The following ZNF516 variants were observed in gnomAD, a reference collection of about 807,000 sequenced individuals.
ZNF516 encodes the protein zinc finger protein 516.
A neutral mutation model predicts 79.7 loss-of-function variants in ZNF516; 19 were observed. The observed-to-expected ratio is 0.24, with a 90% confidence interval of 0.17 to 0.35. The LOEUF is 0.35. Ranked by LOEUF, ZNF516 falls within the 10% of genes least tolerant of loss-of-function variation. The pLI is 1.00. For synonymous variants in ZNF516, 877 were observed against 739.5 expected (o/e 1.19, Z -3.02); for missense variants, 1,678 against 1,679.5 (o/e 1.00, Z 0.02).
chr18:76,469,688 T>C (rs1321596250), intron 1 of ZNF516, among the ~76,000 whole-genome samples: 1 of 152,246 alleles, frequency 6.6e-6, no homozygotes, highest in Non-Finnish European at 1.5e-5. Context: ...ATTTTTATCT[T>C]CTTCCGTTAG....
At chr18:76,420,222 A>G (rs2075489026) in intron 3 of ZNF516, among the ~76,000 whole-genome samples, 1 of 152,248 alleles carries the variant, frequency 6.6e-6, no homozygotes, top group Non-Finnish European at 1.5e-5. Flanking sequence ...AGATCTAAGT[A>G]AGCAGCTGGA....
chr18:76,390,700 T>C (rs983444333), intron 3 of ZNF516, among the ~76,000 whole-genome samples: 3 of 152,192 alleles, frequency 2.0e-5, no homozygotes, highest in Middle Eastern at 3.4e-3. Context: ...CATTATCCTT[T>C]GGAGAGGAGA....
intron 3 of ZNF516, among the ~76,000 whole-genome samples, chr18:76,384,202 G>T (rs2074940572): frequency 6.6e-6 from 1 of 152,056 alleles, no homozygotes; most frequent in Non-Finnish European, 1.5e-5. Context: ...CTGGCAATGA[G>T]AACTCCTCAG....
chr18:76,452,186 G>A (rs1333468791), intron 2 of ZNF516, among the ~76,000 whole-genome samples: 2 of 152,200 alleles, frequency 1.3e-5, no homozygotes, highest in Non-Finnish European at 2.9e-5. Flanking sequence ...CAGCAACGCG[G>A]CCCCCTGACC....
intron 1 of ZNF516, among the ~76,000 whole-genome samples, chr18:76,468,409 A>G (rs1489208312): frequency 6.9e-6 from 1 of 144,802 alleles, no homozygotes; most frequent in Non-Finnish European, 1.5e-5. Flanking sequence ...TAGGCTCATC[A>G]TTAGTGTCTT....
intron 6 of ZNF516, 141 bp downstream of exon 6, chr18:76,370,387 T>A: frequency 1.2e-6 from 1 of 832,022 alleles, no homozygotes; most frequent in Non-Finnish European, 1.8e-6. Context: ...AGGGTCAGGT[T>A]CCAAGTCAAA....
At chr18:76,471,844 C>T (rs572621510) in intron 1 of ZNF516, among the ~76,000 whole-genome samples, 2 of 152,258 alleles carry the variant, frequency 1.3e-5, no homozygotes, top group South Asian at 4.2e-4. Context: ...TCTGGGACTC[C>T]GGCCCCACCC....
intron 6 of ZNF516, among the ~76,000 whole-genome samples, chr18:76,365,199 T>A (rs989120106): frequency 1.3e-5 from 2 of 152,208 alleles, no homozygotes; most frequent in African/African-American, 4.8e-5. Flanking sequence ...TTTATCCAGC[T>A]TAACCATTTT....
At chr18:76,445,300 C>G (rs1273068665) in intron 2 of ZNF516, among the ~76,000 whole-genome samples, 1 of 151,214 alleles carries the variant, frequency 6.6e-6, no homozygotes, top group African/African-American at 2.4e-5. Flanking sequence ...TCCCCCAAAA[C>G]TGGAGAAGTA....
chr18:76,433,714 G>A (rs1394781703), intron 3 of ZNF516, among the ~76,000 whole-genome samples: 1 of 152,174 alleles, frequency 6.6e-6, no homozygotes, highest in Non-Finnish European at 1.5e-5. Flanking sequence ...GCAGAAGGGT[G>A]GGAATCCGTG....
At chr18:76,463,336 C>G (rs1913241232) in intron 1 of ZNF516, among the ~76,000 whole-genome samples, 195 bp from the exon 2 acceptor site, 1 of 152,206 alleles carries the variant, frequency 6.6e-6, no homozygotes, top group African/African-American at 2.4e-5. Flanking sequence ...ATAGGACTTC[C>G]CACATCTGTG....
chr18:76,491,176 C>G (rs925541478), intron 1 of ZNF516: 1 of 910,152 alleles, frequency 1.1e-6, no homozygotes. Flanking sequence ...CGCCGCGCCT[C>G]GGCCCCCGGA....
intron 1 of ZNF516, among the ~76,000 whole-genome samples, chr18:76,469,161 G>C (rs542603009): frequency 1.3e-5 from 2 of 152,308 alleles, no homozygotes; most frequent in East Asian, 3.9e-4. Flanking sequence ...CAGGGTGTGC[G>C]AATGTTCCCT....
At chr18:76,484,752 T>A (rs1914732233) in intron 1 of ZNF516, among the ~76,000 whole-genome samples, 1 of 152,232 alleles carries the variant, frequency 6.6e-6, no homozygotes, top group African/African-American at 2.4e-5. Flanking sequence ...GTAATAACTT[T>A]CTTTTTAATC....
At chr18:76,381,401 T>C (rs770800387) in intron 3 of ZNF516, among the ~76,000 whole-genome samples, 3 of 152,248 alleles carry the variant, frequency 2.0e-5, no homozygotes, top group Non-Finnish European at 4.4e-5. Flanking sequence ...AGCCGCCATC[T>C]GCAGTCCCTT....
chr18:76,421,138 ATGTATGT>A (rs2075501254), intron 3 of ZNF516, among the ~76,000 whole-genome samples: 1 of 152,230 alleles, frequency 6.6e-6, no homozygotes, highest in African/African-American at 2.4e-5. Flanking sequence ...TATGCACAAT[ATGTATGT>A]TCAGGGTCAA....
In ZNF516 at chr18:76,441,218, C is replaced by T. The variant is rs762645294; in HGVS notation, c.1810+27G>A. ...CCCCCTGAGCCTGGGATCCCAGGAC[C>T]CAGGCCACCTGGGTACACTTGCTCA... On this transcript the variant is annotated intron_variant, in intron 3 of 6. Transcript: ENST00000443185. 3 of 1,597,550 alleles carry T rather than the reference C, an allele frequency of 1.9e-6. No individual in the cohort carries two copies. In the East Asian group the frequency reaches 6.7e-5, roughly 36 times the overall value.
Position 76,460,189 on chromosome 18 carries a change from C to T in ZNF516, c.-158+2839G>A, listed in dbSNP as rs1261608224. Among the ~76,000 whole-genome samples the T allele has an allele frequency of 2.0e-5, 3 of 152,234 alleles. No individual in the cohort carries two copies. In the East Asian group the frequency reaches 5.8e-4, roughly 29 times the overall value. On this transcript the variant is annotated intron_variant, in intron 2 of 6. Transcript: ENST00000443185. ...GCTGTTAGCAATCATAAATCCTCAT[C>T]CTGGCACAGAGCACAGGAGGCACCT...
intron 1 of ZNF516, among the ~76,000 whole-genome samples, chr18:76,471,230 G>A (rs1340652978): frequency 6.6e-6 from 1 of 151,140 alleles, no homozygotes; most frequent in African/African-American, 2.4e-5. Flanking sequence ...TACTTACTGA[G>A]CAAACCCTCC....
Sources: gnomAD v4.1 joint callset for allele counts (sites outside exome capture counted in the v4.1 genomes callset) on GRCh38, gnomAD v4.1.1 for gene constraint, MANE v1.5 for transcripts, NCBI Gene and HGNC (gene_info 2026-07-23, HGNC 2026-07-21) for gene names.